The following TSHZ2 variants were observed in gnomAD, a reference collection of about 807,000 sequenced individuals.
The protein encoded by TSHZ2 is teashirt homolog 2.
In TSHZ2, 21 loss-of-function variants were observed where a neutral mutation model predicts 74.4. The ratio of observed to expected loss-of-function variants is 0.28; its 90% CI spans 0.20 to 0.41. The LOEUF is 0.41. TSHZ2 is among the 10% of genes least tolerant of loss of function. The pLI is 1.00. For synonymous variants in TSHZ2, 540 were observed against 515.3 expected (o/e 1.05, Z -0.65); for missense variants, 1,244 against 1,293.5 (o/e 0.96, Z 0.59).
intron 1 of TSHZ2, among the ~76,000 whole-genome samples, chr20:53,204,853 G>A (rs986385545): frequency 3.3e-5 from 5 of 152,044 alleles, no homozygotes; most frequent in East Asian, 1.9e-4. Context: ...AGGCCGAGGC[G>A]GGCGGATCAT....
chr20:53,311,308 G>C (rs1035582461), intron 2 of TSHZ2, among the ~76,000 whole-genome samples: 7 of 152,154 alleles, frequency 4.6e-5, no homozygotes, highest in African/African-American at 1.7e-4. Flanking sequence ...AAATTATTCA[G>C]CCAGACTGAA....
At chr20:53,450,812 C>A (rs1018175344) in intron 2 of TSHZ2, among the ~76,000 whole-genome samples, 1 of 152,170 alleles carries the variant, frequency 6.6e-6, no homozygotes, top group Non-Finnish European at 1.5e-5. Flanking sequence ...ATGTAATCCA[C>A]CACTCCTGGC....
At chr20:53,026,999 CATAA>C (rs535144747) in intron 1 of TSHZ2, among the ~76,000 whole-genome samples, 352 of 151,724 alleles carry the variant, frequency 2.3e-3, no homozygotes, top group Non-Finnish European at 3.6e-3. Context: ...AACATAAATA[CATAA>C]ATAAACAACA....
intron 1 of TSHZ2, among the ~76,000 whole-genome samples, chr20:53,012,729 C>T (rs1982898938): frequency 6.6e-6 from 1 of 152,136 alleles, no homozygotes; most frequent in South Asian, 2.1e-4. Flanking sequence ...TGCACTGACA[C>T]AGGTGCACAA....
At chr20:53,438,306 C>T (rs1303816449) in intron 2 of TSHZ2, among the ~76,000 whole-genome samples, 1 of 151,904 alleles carries the variant, frequency 6.6e-6, no homozygotes, top group Admixed American at 6.6e-5. Flanking sequence ...GATGGGCTTT[C>T]ACCATGTTGG....
At chr20:53,467,188 T>G (rs987195073) in intron 2 of TSHZ2, among the ~76,000 whole-genome samples, 35 of 152,390 alleles carry the variant, frequency 2.3e-4, no homozygotes, top group African/African-American at 8.2e-4. Context: ...CATCAAATGT[T>G]TTGAAATGCT....
chr20:53,043,321 C>T (rs528293053), intron 1 of TSHZ2, among the ~76,000 whole-genome samples: 4 of 152,158 alleles, frequency 2.6e-5, no homozygotes, highest in South Asian at 2.1e-4. Context: ...GGGGACATTA[C>T]CAAATGTCCC....
intron 2 of TSHZ2, among the ~76,000 whole-genome samples, chr20:53,445,425 G>C (rs1459205346): frequency 6.6e-6 from 1 of 152,146 alleles, no homozygotes; most frequent in Non-Finnish European, 1.5e-5. Context: ...GTTCCCATGT[G>C]AGTGATAAGC....
At chr20:53,062,680 C>G (rs73138277) in intron 1 of TSHZ2, among the ~76,000 whole-genome samples, 74 of 152,310 alleles carry the variant, frequency 4.9e-4, no homozygotes, top group Non-Finnish European at 1.0e-3. Flanking sequence ...ATCCAGACCA[C>G]TAAAACGTAC....
chr20:53,064,705 C>T (rs1370386373), intron 1 of TSHZ2, among the ~76,000 whole-genome samples: 1 of 151,900 alleles, frequency 6.6e-6, no homozygotes, highest in Non-Finnish European at 1.5e-5. Context: ...CACACACACA[C>T]ACAATTGTGT....
intron 1 of TSHZ2, among the ~76,000 whole-genome samples, chr20:53,207,858 C>CTTTTTTTTTTT (rs58457116): frequency 1.8e-4 from 17 of 96,682 alleles, no homozygotes; most frequent in African/African-American, 3.0e-4. Context: ...CATTGTTTTA[C>CTTTTTTTTTTT]TTTTTTTTTT....
intron 1 of TSHZ2, among the ~76,000 whole-genome samples, chr20:53,167,007 T>A (rs1419063352): frequency 1.3e-5 from 2 of 152,178 alleles, no homozygotes; most frequent in African/African-American, 4.8e-5. Flanking sequence ...AGGTGACATA[T>A]AGGCTGTGAC....
At chr20:53,344,200 CCCTCCT>C (rs544883274) in intron 2 of TSHZ2, among the ~76,000 whole-genome samples, 135 of 145,384 alleles carry the variant, frequency 9.3e-4, no homozygotes, top group African/African-American at 2.8e-3. Flanking sequence ...ACTACCATCA[CCCTCCT>C]CCTCCTCATC....
intron 2 of TSHZ2, among the ~76,000 whole-genome samples, chr20:53,299,651 C>T (rs1459276332): frequency 6.6e-6 from 1 of 152,212 alleles, no homozygotes; most frequent in Admixed American, 6.5e-5. Flanking sequence ...CAGAGCTCCA[C>T]AGATAAGCAA....
At chr20:53,298,320 G>A (rs772672242) in intron 2 of TSHZ2, among the ~76,000 whole-genome samples, 9 of 152,194 alleles carry the variant, frequency 5.9e-5, no homozygotes, top group African/African-American at 1.7e-4. Context: ...AATTTCTAAC[G>A]CAGTGTGAAA....
In TSHZ2 at chr20:53,386,123, C is replaced by A. The variant is rs560259578; in HGVS notation, c.*9-101021C>A. 3.3e-5 allele frequency among the ~76,000 whole-genome samples: 5 copies of A among 152,344 alleles called. No individual in the cohort carries two copies. The South Asian group carries it at 1.0e-3, about 32-fold the overall frequency. ...ACAGAACTCACCCCTCACCTCTTAG[C>A]GTGGCCTGAGAGCCTCAGCTGCAAT... On this transcript the variant is annotated intron_variant, in intron 2 of 2. Transcript: ENST00000371497.
At chr20:53,176,436 C>A (rs573618937) in intron 1 of TSHZ2, among the ~76,000 whole-genome samples, 1 of 152,216 alleles carries the variant, frequency 6.6e-6, no homozygotes, top group Admixed American at 6.5e-5. Flanking sequence ...GGGTAGGTTT[C>A]TCAAAGCCCT....
At chr20:53,206,270 A>G (rs571970643) in intron 1 of TSHZ2, among the ~76,000 whole-genome samples, 1 of 152,198 alleles carries the variant, frequency 6.6e-6, no homozygotes, top group Non-Finnish European at 1.5e-5. Context: ...AGCAGTCACC[A>G]CATATGATTG....
At chr20:53,237,299 T>G (rs1989962639) in intron 1 of TSHZ2, among the ~76,000 whole-genome samples, 1 of 152,196 alleles carries the variant, frequency 6.6e-6, no homozygotes, top group African/African-American at 2.4e-5. Context: ...GAACAGTTTT[T>G]TGTGTGTGTT....
Sources: gnomAD v4.1 joint callset for allele counts (sites outside exome capture counted in the v4.1 genomes callset) on GRCh38, gnomAD v4.1.1 for gene constraint, MANE v1.5 for transcripts, NCBI Gene and HGNC (gene_info 2026-07-23, HGNC 2026-07-21) for gene names.